Variants in SCN3A observed in about 807,000 individuals in gnomAD.
SCN3A encodes the protein sodium voltage-gated channel alpha subunit 3, also known as sodium channel protein type 3 subunit alpha.
SCN3A carries 60 observed loss-of-function variants against 187.6 expected under a neutral mutation model. That is an observed-to-expected ratio of 0.32 (90% CI 0.26 to 0.40). The LOEUF is 0.40. Ranked by LOEUF, SCN3A falls within the 10% of genes least tolerant of loss-of-function variation. The pLI is 1.00. For synonymous variants in SCN3A, 788 were observed against 829.2 expected (o/e 0.95, Z 0.85); for missense variants, 1,601 against 2,428.2 (o/e 0.66, Z 7.16).
intron 18 of SCN3A, among the ~76,000 whole-genome samples, chr2:165,116,445 A>G (rs1157744489): frequency 6.6e-6 from 1 of 152,218 alleles, no homozygotes; most frequent in Admixed American, 6.5e-5. Flanking sequence ...AGGATTGTGC[A>G]AAGTTTTATG....
chr2:165,195,005 C>G (rs1691858680), intron 1 of SCN3A: 1 of 152,046 alleles, frequency 6.6e-6, no homozygotes, highest in Admixed American at 6.6e-5. Context: ...AGTAAAAGGT[C>G]TCTGCACATA....
intron 18 of SCN3A, among the ~76,000 whole-genome samples, chr2:165,122,222 C>A: frequency 7.8e-6 from 1 of 128,902 alleles, no homozygotes; most frequent in East Asian, 2.5e-4. Flanking sequence ...TTTCTTTTTT[C>A]TTTCTTTCTT....
chr2:165,184,289 C>T (rs191795945), intron 2 of SCN3A, among the ~76,000 whole-genome samples: 3 of 151,938 alleles, frequency 2.0e-5, no homozygotes, highest in Admixed American at 2.0e-4. Flanking sequence ...GATTGAATAA[C>T]AATAAACAAA....
intron 1 of SCN3A, among the ~76,000 whole-genome samples, chr2:165,190,284 C>T (rs1362363838): frequency 1.3e-5 from 2 of 152,072 alleles, no homozygotes; most frequent in Admixed American, 6.6e-5. Context: ...CGATCACCTT[C>T]GTGGTGGTTC....
Position 165,185,489 on chromosome 2 carries a change from C to A in SCN3A, c.-51+1062G>T, listed in dbSNP as rs548176246. 2.6e-5 allele frequency among the ~76,000 whole-genome samples: 4 copies of A among 152,288 alleles called. No homozygotes were observed. The South Asian group carries it at 6.2e-4, about 24-fold the overall frequency. ...AAGAAAGAGAACAAAGAGAAGATAGCATTCTCTGTCCTCTGGACCCTTTTC... is the reference window on the plus strand; with the variant it reads ...AAGAAAGAGAACAAAGAGAAGATAGAATTCTCTGTCCTCTGGACCCTTTTC... On this transcript the variant is annotated intron_variant, in intron 2 of 27. Transcript: ENST00000283254.
At chr2:165,135,500 G>A (rs911919690) in intron 15 of SCN3A, among the ~76,000 whole-genome samples, 3 of 152,000 alleles carry the variant, frequency 2.0e-5, no homozygotes, top group East Asian at 3.9e-4. Context: ...TTATTTTAAT[G>A]AGCAAATTAT....
chr2:165,137,187 T>C (rs956984338), intron 15 of SCN3A, among the ~76,000 whole-genome samples: 5 of 152,134 alleles, frequency 3.3e-5, no homozygotes, highest in African/African-American at 9.7e-5. Context: ...ACTGCAATAC[T>C]GCCCTTTACT....
intron 11 of SCN3A, among the ~76,000 whole-genome samples, chr2:165,153,982 C>T (rs958545234): frequency 7.6e-4 from 44 of 58,168 alleles, no homozygotes; most frequent in South Asian, 1.6e-3. Flanking sequence ...TGGGCTATAG[C>T]AAACATTTTT....
chr2:165,118,824 G>A (rs1006807953), intron 18 of SCN3A, among the ~76,000 whole-genome samples: 3 of 151,988 alleles, frequency 2.0e-5, no homozygotes, highest in East Asian at 3.9e-4. Flanking sequence ...GTGCAGTGGC[G>A]CAGTCTCGGC....
chr2:165,115,483 G>T lies in SCN3A; in HGVS notation c.3486C>A (p.Asp1162Glu), dbSNP rs1254748152. The T allele has an allele frequency of 3.1e-6, 5 of 1,613,650 alleles. No homozygotes were observed. The highest frequency in any genetic ancestry group is 3.3e-4 in the Middle Eastern group (2 of 6,062). Residue 1162 changes from aspartate to glutamate, a missense_variant, in exon 19 of 28, where the codon GAC (aspartate) becomes GAA (glutamate). Coordinates refer to ENST00000283254, the MANE Select transcript of SCN3A (RefSeq NM_006922.4). ...CAGTAAAACAAGCTTCCGGTTTAAG[G>T]TCTTCTTCGGGTTCAGTTTCAGCTT... ...GEQAETEPEE[D>E]LKPEACFTEG...
chr2:165,168,632 T>C, intron 5 of SCN3A, 104 bp downstream of exon 5: 2 of 852,470 alleles, frequency 2.3e-6, no homozygotes. Context: ...AAAATAACTT[T>C]TTCTTAGACA....
chr2:165,167,935 T>C (rs1461542587), intron 5 of SCN3A, among the ~76,000 whole-genome samples: 3 of 152,134 alleles, frequency 2.0e-5, no homozygotes, highest in Non-Finnish European at 4.4e-5. Flanking sequence ...AAATACAGAA[T>C]GAAGCATTTT....
chr2:165,202,199 G>A (rs1012962481), intron 1 of SCN3A, among the ~76,000 whole-genome samples: 5 of 152,002 alleles, frequency 3.3e-5, no homozygotes, highest in African/African-American at 4.8e-5. Flanking sequence ...TTGAAAGAGC[G>A]CATTTTGTGA....
At chr2:165,131,638 A>T (rs1009880525) in intron 15 of SCN3A, among the ~76,000 whole-genome samples, 66 of 151,350 alleles carry the variant, frequency 4.4e-4, no homozygotes, top group African/African-American at 1.5e-3. Flanking sequence ...TTGAGGGTAC[A>T]TGTGTACAAT....
intron 12 of SCN3A, among the ~76,000 whole-genome samples, chr2:165,144,146 A>G (rs954513950): frequency 1.3e-5 from 2 of 152,160 alleles, no homozygotes; most frequent in African/African-American, 4.8e-5. Context: ...TGTCTATCTT[A>G]CGCTTCCTGT....
rs754513062 is a variant in SCN3A at position 165,146,812 on chromosome 2, T to C, written c.1598A>G (p.Lys533Arg). Residue 533 changes from lysine to arginine, a missense_variant, in exon 12 of 28, where the codon AAA (lysine) becomes AGA (arginine). Lys to Arg is a conservative substitution (Grantham distance 26). This residue lies in a region of SCN3A where 376 missense variants were observed against 476.0 expected (regional missense o/e 0.79). Coordinates refer to ENST00000283254, the MANE Select transcript of SCN3A (RefSeq NM_006922.4). ...FPKSESEDSV[K>R]RSSFLFSMDG... is the part of the protein sequence containing the mutation. ...CATGGAGAAAAGGAAGCTGCTTCTT[T>C]TGACGCTGTCTTCAGATTCGGATTT... The C allele has an allele frequency of 2.5e-6, 4 of 1,614,092 alleles. No homozygotes were observed. The highest frequency in any genetic ancestry group is 3.4e-6 in the Non-Finnish European group (4 of 1,179,962).
In SCN3A at chr2:165,127,731, C is replaced by T; in HGVS notation, c.3293G>A (p.Ser1098Asn). The stretch of plus-strand genomic sequence containing the variant: ...AGCAATTGGCACTGTGACGGTGAGG[C>T]TGGGGTTGTTTATGAATGACATATA... ...NDYMSFINNP[S>N]LTVTVPIAVG... The change falls in exon 18 of 28, where the codon AGC (serine) becomes AAC (asparagine). Residue 1098 changes from serine (S) to asparagine (N), a missense_variant. Transcript: ENST00000283254. The T allele has an allele frequency of 1.2e-6, 2 of 1,614,112 alleles. No homozygotes were observed. The highest frequency in any genetic ancestry group is 1.7e-6 in the Non-Finnish European group (2 of 1,180,002).
At chr2:165,162,257 T>C (rs1270565256) in intron 9 of SCN3A, 51 bp downstream of exon 9, 6 of 1,522,678 alleles carry the variant, frequency 3.9e-6, no homozygotes, top group Non-Finnish European at 5.4e-6. Context: ...CTACCTACTT[T>C]TTTTTTTCGC....
Position 165,088,048 on chromosome 2 carries a change from C to A in SCN3A, c.*2102G>T, listed in dbSNP as rs116581753. 3,080 of 152,220 alleles carry A rather than the reference C, an allele frequency of 0.02. 56 individuals are homozygous for A. The highest frequency in any genetic ancestry group is 0.031 in the South Asian group (148 of 4,824). The allele number at this position is 152,220 out of a possible 1,614,324, so 9.4% of individuals were successfully genotyped here. On this transcript the variant is annotated 3_prime_UTR_variant, in exon 28 of 28. Coordinates refer to ENST00000283254, the MANE Select transcript of SCN3A (RefSeq NM_006922.4). The stretch of plus-strand genomic sequence containing the variant: ...TGTAAACTTTTATGTATACAAATGT[C>A]AGATCAAGCACAGGTTTTATTAATT...
Sources: allele counts gnomAD v4.1 joint callset (sites outside exome capture counted in the v4.1 genomes callset), GRCh38; gene constraint gnomAD v4.1.1; regional missense constraint gnomAD v4.1.1; transcripts MANE v1.5; gene names NCBI Gene and HGNC (gene_info 2026-07-23, HGNC 2026-07-21).